The following CSMD1 variants were observed in gnomAD, a reference collection of about 807,000 sequenced individuals.
CSMD1 encodes the protein CUB and Sushi multiple domains 1, also known as CUB and sushi domain-containing protein 1.
In CSMD1, 213 loss-of-function variants were observed where a neutral mutation model predicts 417.5. The ratio of observed to expected loss-of-function variants is 0.51; its 90% CI spans 0.46 to 0.57. The LOEUF is 0.57. CSMD1 is among the 20% of genes least tolerant of loss of function. The pLI is 0.00. For synonymous variants in CSMD1, 2,862 were observed against 1,736.8 expected (o/e 1.65, Z -16.11); for missense variants, 6,923 against 4,529.7 (o/e 1.53, Z -15.17).
At chr8:4,580,170 G>A (rs1438062156) in intron 2 of CSMD1, among the ~76,000 whole-genome samples, 1 of 152,168 alleles carries the variant, frequency 6.6e-6, no homozygotes, top group Non-Finnish European at 1.5e-5. Flanking sequence ...GCTTTCAACT[G>A]TTATGTAAAC....
chr8:3,526,028 C>G (rs532948564), intron 10 of CSMD1, among the ~76,000 whole-genome samples: 87 of 152,124 alleles, frequency 5.7e-4, no homozygotes, highest in Non-Finnish European at 1.1e-3. Context: ...AATAATTTAC[C>G]CAAATTAAAC....
Position 3,151,403 on chromosome 8 carries a change from C to G in CSMD1, c.6025G>C (p.Gly2009Arg), listed in dbSNP as rs756922361. ...DCTWRISLPIGYGAHIQFLNF... is the reference protein window; with the variant it reads ...DCTWRISLPIRYGAHIQFLNF... ...TGGTAACATTTTCACTTACCATAGC[C>G]GATGGGTAATGAGATCCTCCAGGTG... The change falls in exon 40 of 70, where the codon GGC becomes CGC. Residue 2009 changes from glycine (G) to arginine (R), a missense_variant. Gly to Arg is a moderately radical substitution (Grantham distance 125, BLOSUM62 -2). Transcript: ENST00000635120. The G allele has an allele frequency of 3.7e-6, 6 of 1,605,174 alleles. No individual in the cohort carries two copies. The highest frequency in any genetic ancestry group is 1.1e-5 in the South Asian group (1 of 90,540).
chr8:4,263,769 T>C (rs1804047535), intron 3 of CSMD1, among the ~76,000 whole-genome samples: 1 of 152,204 alleles, frequency 6.6e-6, no homozygotes, highest in Non-Finnish European at 1.5e-5. Flanking sequence ...ATAATAAAAA[T>C]GAAAATCTTT....
chr8:4,920,836 G>C (rs1218846370), intron 1 of CSMD1, among the ~76,000 whole-genome samples: 2 of 37,418 alleles, frequency 5.3e-5, no homozygotes, highest in Non-Finnish European at 1.8e-4. Context: ...AAAAGAAAAA[G>C]AGAACGAAAG....
chr8:4,678,587 G>C (rs949121546), intron 1 of CSMD1, among the ~76,000 whole-genome samples: 1 of 152,082 alleles, frequency 6.6e-6, no homozygotes, highest in Non-Finnish European at 1.5e-5. Context: ...CAGAAATTAA[G>C]TGAAGAAATA....
At chr8:3,564,049 T>G (rs1479095382) in intron 10 of CSMD1, among the ~76,000 whole-genome samples, 1 of 152,202 alleles carries the variant, frequency 6.6e-6, no homozygotes, top group African/African-American at 2.4e-5. Flanking sequence ...ATTTTGGGGG[T>G]ACACGTGATA....
At position 3,546,644 on chromosome 8, in the gene CSMD1, CA is replaced by C. The variant is rs3086570; in HGVS notation, c.1344+28300del. Among the ~76,000 whole-genome samples, 277 of 150,854 alleles carry C rather than the reference CA, an allele frequency of 1.8e-3. 1 individual carries two copies. The highest frequency in any genetic ancestry group is 3.1e-3 in the Non-Finnish European group (210 of 67,660). Reference sequence around the variant, plus strand: ...CTGCAAAATGATTAACATTATAAAACAAAAAAAAATTACTCATCAATGGGTA... The same window carrying C: ...CTGCAAAATGATTAACATTATAAAACAAAAAAAATTACTCATCAATGGGTA... On this transcript the variant is annotated intron_variant, in intron 10 of 69. Transcript: ENST00000635120.
In CSMD1 at chr8:3,898,673, G is replaced by A. The variant is rs1807524647; in HGVS notation, c.818+99230C>T. Reference sequence around the variant, plus strand: ...CCACATGCAGACCTGGTATTTGTTGGTTTGTTTCTCATTCAGAGTTCAGAA... The same window carrying A: ...CCACATGCAGACCTGGTATTTGTTGATTTGTTTCTCATTCAGAGTTCAGAA... On this transcript the variant is annotated intron_variant, in intron 5 of 69. Coordinates refer to ENST00000635120, the MANE Select transcript of CSMD1 (RefSeq NM_033225.6). 1.1e-4 allele frequency among the ~76,000 whole-genome samples: 16 copies of A among 152,158 alleles called. 1 individual carries two copies. The highest frequency in any genetic ancestry group is 1.0e-3 in the Admixed American group (16 of 15,266).
At chr8:4,570,193 G>C (rs1236439477) in intron 2 of CSMD1, among the ~76,000 whole-genome samples, 2 of 152,200 alleles carry the variant, frequency 1.3e-5, no homozygotes. Flanking sequence ...GCAGTGGTGA[G>C]AGAGGGCATC....
At chr8:4,110,678 G>C (rs1214209967) in intron 3 of CSMD1, among the ~76,000 whole-genome samples, 3 of 152,058 alleles carry the variant, frequency 2.0e-5, no homozygotes, top group South Asian at 4.2e-4. Flanking sequence ...AGTTACCTAA[G>C]AAAATGTTTT....
intron 3 of CSMD1, among the ~76,000 whole-genome samples, chr8:4,213,276 C>G (rs1800435067): frequency 6.6e-6 from 1 of 152,130 alleles, no homozygotes; most frequent in Non-Finnish European, 1.5e-5. Flanking sequence ...GGGGTCCTGT[C>G]AGGTCTAATG....
At chr8:4,195,698 G>A (rs190448030) in intron 3 of CSMD1, among the ~76,000 whole-genome samples, 64 of 152,246 alleles carry the variant, frequency 4.2e-4, no homozygotes, top group African/African-American at 1.5e-3. Context: ...TTCCACGCAG[G>A]GAGAAATTGT....
intron 5 of CSMD1, among the ~76,000 whole-genome samples, chr8:3,844,793 T>C (rs1803382852): frequency 6.6e-6 from 1 of 152,206 alleles, no homozygotes; most frequent in South Asian, 2.1e-4. Context: ...CTGCCACTTC[T>C]GTTCATAGAA....
At chr8:4,452,841 A>T (rs1799231230) in intron 2 of CSMD1, among the ~76,000 whole-genome samples, 1 of 152,200 alleles carries the variant, frequency 6.6e-6, no homozygotes, top group South Asian at 2.1e-4. Flanking sequence ...AAAAAACTAA[A>T]GGCAAAATGA....
chr8:3,605,167 T>C (rs530741003), intron 8 of CSMD1, among the ~76,000 whole-genome samples: 101 of 152,276 alleles, frequency 6.6e-4, no homozygotes, highest in African/African-American at 2.3e-3. Context: ...AATTTTTGTA[T>C]TTTTAGTAGA....
chr8:3,919,104 C>A (rs755847845), intron 5 of CSMD1, among the ~76,000 whole-genome samples: 2 of 133,352 alleles, frequency 1.5e-5, no homozygotes, highest in Non-Finnish European at 3.1e-5. Flanking sequence ...CAGATTGTTT[C>A]TTTTGCTGTG....
intron 2 of CSMD1, among the ~76,000 whole-genome samples, chr8:4,561,687 G>T (rs568539393): frequency 1.3e-5 from 2 of 151,820 alleles, no homozygotes; most frequent in South Asian, 4.2e-4. Flanking sequence ...GTTAAAAGAA[G>T]AAAAAAAGAG....
intron 1 of CSMD1, among the ~76,000 whole-genome samples, chr8:4,824,757 A>G (rs1799723906): frequency 6.6e-6 from 1 of 152,176 alleles, no homozygotes. Context: ...TTGTCACTCA[A>G]AGACAAAAGC....
At chr8:3,140,930 T>A (rs931656953) in intron 41 of CSMD1, among the ~76,000 whole-genome samples, 1 of 152,230 alleles carries the variant, frequency 6.6e-6, no homozygotes, top group African/African-American at 2.4e-5. Flanking sequence ...TCACTGATTT[T>A]TTTTCTCTTT....
Sources: allele counts gnomAD v4.1 joint callset (sites outside exome capture counted in the v4.1 genomes callset), GRCh38; gene constraint gnomAD v4.1.1; transcripts MANE v1.5; gene names NCBI Gene and HGNC (gene_info 2026-07-23, HGNC 2026-07-21).